EEFSEC: variants seen among roughly 807,000 people sequenced by gnomAD.
EEFSEC encodes selenocysteine-specific elongation factor.
In EEFSEC, 43 loss-of-function variants were observed where a neutral mutation model predicts 42.1. That is an observed-to-expected ratio of 1.02 (90% CI 0.80 to 1.32). The LOEUF is 1.32. Ranked by LOEUF, EEFSEC falls within the 40% of genes most tolerant of loss-of-function variation. The probability of loss-of-function intolerance (pLI) is 0.00; values close to 1 mark genes in which losing one functional copy is unlikely to be tolerated. For missense variants in EEFSEC, 745 were observed against 803.6 expected (o/e 0.93, Z 0.88); for synonymous variants, 354 against 339.1 (o/e 1.04, Z -0.48).
chr3:128,261,710 G>A (rs900562983), intron 2 of EEFSEC, among the ~76,000 whole-genome samples: 1 of 152,114 alleles, frequency 6.6e-6, no homozygotes, highest in African/African-American at 2.4e-5. Context: ...TTGTAGAGGC[G>A]TGCTTCCAGG....
intron 1 of EEFSEC, among the ~76,000 whole-genome samples, chr3:128,172,204 A>T (rs746410849): frequency 7.2e-5 from 11 of 152,224 alleles, no homozygotes; most frequent in Non-Finnish European, 1.0e-4. Flanking sequence ...TTCTGATTTG[A>T]GGTGCCTCCA....
At chr3:128,261,109 G>T (rs2066292772) in intron 2 of EEFSEC, among the ~76,000 whole-genome samples, 1 of 152,220 alleles carries the variant, frequency 6.6e-6, no homozygotes, top group African/African-American at 2.4e-5. Flanking sequence ...CATTGTCCAG[G>T]TGTCAACAAT....
At chr3:128,399,868 G>C (rs1702136) in intron 6 of EEFSEC, among the ~76,000 whole-genome samples, 2 of 151,840 alleles carry the variant, frequency 1.3e-5, no homozygotes, top group Admixed American at 6.6e-5. Flanking sequence ...CTCCGGGCCC[G>C]GGCTGCCCTG....
chr3:128,369,835 C>T (rs932998680), intron 6 of EEFSEC, among the ~76,000 whole-genome samples: 8 of 152,140 alleles, frequency 5.3e-5, no homozygotes, highest in Non-Finnish European at 1.0e-4. Context: ...TTTGTTTGTG[C>T]GCCGAGCCGA....
At chr3:128,383,812 G>A (rs2067805196) in intron 6 of EEFSEC, among the ~76,000 whole-genome samples, 2 of 152,360 alleles carry the variant, frequency 1.3e-5, no homozygotes, top group African/African-American at 4.8e-5. Context: ...AATGAGGGGA[G>A]CCAGTCTCAG....
intron 1 of EEFSEC, among the ~76,000 whole-genome samples, chr3:128,169,052 G>A (rs570816394): frequency 6.6e-6 from 1 of 152,320 alleles, no homozygotes; most frequent in South Asian, 2.1e-4. Context: ...TTCCTGTCTA[G>A]TTGGGGAGGC....
intron 4 of EEFSEC, among the ~76,000 whole-genome samples, chr3:128,322,451 A>G (rs2108040520): frequency 6.6e-6 from 1 of 152,340 alleles, no homozygotes; most frequent in Middle Eastern, 3.4e-3. Flanking sequence ...CTCCAGGGAA[A>G]GTGTTGCTCC....
chr3:128,282,034 C>G (rs543402515), intron 4 of EEFSEC, among the ~76,000 whole-genome samples: 1 of 152,322 alleles, frequency 6.6e-6, no homozygotes, highest in African/African-American at 2.4e-5. Context: ...CAAGTGGGAG[C>G]TCTGAGACTC....
intron 6 of EEFSEC, among the ~76,000 whole-genome samples, chr3:128,379,378 C>T (rs769223446): frequency 1.3e-5 from 2 of 152,078 alleles, no homozygotes; most frequent in Admixed American, 1.3e-4. Flanking sequence ...GTGTTTATAC[C>T]CAGCGTTTGA....
the EEFSEC span, among the ~76,000 whole-genome samples, chr3:128,418,674 C>A: frequency 6.6e-6 from 1 of 152,014 alleles, no homozygotes; most frequent in South Asian, 2.1e-4. Context: ...CTTTGCCCAG[C>A]ACCCTTGACT....
chr3:128,309,407 G>T (rs755521658), intron 4 of EEFSEC, among the ~76,000 whole-genome samples: 2 of 152,168 alleles, frequency 1.3e-5, no homozygotes, highest in Non-Finnish European at 2.9e-5. Flanking sequence ...TGGATGAGAG[G>T]GGTCAGCGCA....
chr3:128,405,625 C>T (rs561023557), intron 6 of EEFSEC, among the ~76,000 whole-genome samples: 6 of 152,380 alleles, frequency 3.9e-5, no homozygotes, highest in African/African-American at 9.6e-5. Flanking sequence ...CAGTCTGAGA[C>T]GACAGGCCAG....
chr3:128,311,101 A>T (rs551611753), intron 4 of EEFSEC, among the ~76,000 whole-genome samples: 1 of 152,266 alleles, frequency 6.6e-6, no homozygotes, highest in African/African-American at 2.4e-5. Flanking sequence ...GAAAATTTTT[A>T]AAATTAAAAT....
At chr3:128,371,328 AC>A (rs1377023777) in intron 6 of EEFSEC, among the ~76,000 whole-genome samples, 32 of 152,132 alleles carry the variant, frequency 2.1e-4, no homozygotes, top group African/African-American at 6.7e-4. Flanking sequence ...GTTCCCATCG[AC>A]ACTGCTGACA....
intron 1 of EEFSEC, among the ~76,000 whole-genome samples, chr3:128,176,918 G>A (rs2065354320): frequency 6.6e-6 from 1 of 151,926 alleles, no homozygotes; most frequent in African/African-American, 2.4e-5. Flanking sequence ...TCCATTGCCA[G>A]CTATAAATGT....
At chr3:128,205,543 C>T (rs2107823793) in intron 1 of EEFSEC, among the ~76,000 whole-genome samples, 1 of 152,340 alleles carries the variant, frequency 6.6e-6, no homozygotes, top group East Asian at 1.9e-4. Flanking sequence ...CAGACCCCAG[C>T]AAATTGTCTG....
At chr3:128,342,777 A>G (rs2067270158) in intron 5 of EEFSEC, among the ~76,000 whole-genome samples, 1 of 152,182 alleles carries the variant, frequency 6.6e-6, no homozygotes, top group Admixed American at 6.5e-5. Context: ...GCCTGCCACT[A>G]GGGTGGACAG....
At chr3:128,267,766 A>G (rs1421273254) in intron 4 of EEFSEC, among the ~76,000 whole-genome samples, 1 of 152,256 alleles carries the variant, frequency 6.6e-6, no homozygotes, top group Non-Finnish European at 1.5e-5. Flanking sequence ...TGTGACTCAC[A>G]GATCCAAGCA....
intron 1 of EEFSEC, among the ~76,000 whole-genome samples, chr3:128,227,082 C>T (rs2065915326): frequency 6.6e-6 from 1 of 152,230 alleles, no homozygotes. Context: ...ACTCTGCAGG[C>T]TGCTTCACAG....
Sources: gnomAD v4.1 joint callset for allele counts (sites outside exome capture counted in the v4.1 genomes callset) on GRCh38, gnomAD v4.1.1 for gene constraint, MANE v1.5 for transcripts, NCBI Gene and HGNC (gene_info 2026-07-23, HGNC 2026-07-21) for gene names.